MYH15: variants seen among roughly 807,000 people sequenced by gnomAD.
The protein encoded by MYH15 is myosin heavy chain 15.
MYH15 carries 227 observed loss-of-function variants against 240.5 expected under a neutral mutation model. The observed-to-expected ratio is 0.94, with a 90% CI of 0.85 to 1.05. The LOEUF (loss-of-function observed/expected upper bound fraction) is 1.05. MYH15 is among the 50% of genes least tolerant of loss of function. MYH15 has a pLI of 0.00. For missense variants in MYH15, 2,217 were observed against 2,247.5 expected (o/e 0.99, Z 0.27); for synonymous variants, 785 against 796.7 (o/e 0.99, Z 0.25).
chr3:108,447,337 G>C (rs1311757530), intron 21 of MYH15, among the ~76,000 whole-genome samples: 8 of 151,968 alleles, frequency 5.3e-5, no homozygotes, highest in Admixed American at 3.9e-4. Flanking sequence ...TTTAAATCTG[G>C]AGAGGAAAAC....
chr3:108,441,246 C>G lies in MYH15; in HGVS notation c.2670G>C (p.Leu890=). The change falls in exon 23 of 41, where the codon CTG becomes CTC. Residue 890 remains leucine, a synonymous_variant. Coordinates refer to ENST00000693548, the MANE Select transcript of MYH15 (RefSeq NM_014981.3). ...ILQLQAEQET[L]ANVEEQCEWL... ...ACTCGCACTGCTCTTCAACATTTGCCAGTGTCTCTTGCTCCTGCCATGATG... is the reference window on the plus strand; with the variant it reads ...ACTCGCACTGCTCTTCAACATTTGCGAGTGTCTCTTGCTCCTGCCATGATG... The G allele has an allele frequency of 6.2e-7, 1 of 1,614,036 alleles. No homozygotes were observed. Among genetic ancestry groups the G allele is most frequent in the Non-Finnish European group, 8.5e-7 (1 of 1,179,942 alleles).
In MYH15 at chr3:108,476,472, C is replaced by A; in HGVS notation, c.1158G>T (p.Glu386Asp). ...AAFLMGINSS[E>D]LVKCLIHPRI... ...TAGGATGGATCAAGCACTTTACCAA[C>A]TCAGAGGAGTTAATGCCCATGAGGA... The change falls in exon 12 of 41, where the codon GAG becomes GAT. Residue 386 changes from glutamate (E) to aspartate (D), a missense_variant. Glu to Asp is a conservative substitution (Grantham distance 45). Coordinates refer to ENST00000693548, the MANE Select transcript of MYH15 (RefSeq NM_014981.3). 6.2e-7 allele frequency: 1 copy of A among 1,613,394 alleles called. No individual in the cohort carries two copies.
At chr3:108,403,033 C>A (rs917657330) in intron 33 of MYH15, among the ~76,000 whole-genome samples, 5 of 152,138 alleles carry the variant, frequency 3.3e-5, no homozygotes, top group Non-Finnish European at 5.9e-5. Context: ...AAATGGAATA[C>A]CCTATCATCC....
intron 1 of MYH15, among the ~76,000 whole-genome samples, chr3:108,525,714 A>G (rs1468390427): frequency 6.6e-6 from 1 of 152,108 alleles, no homozygotes; most frequent in Non-Finnish European, 1.5e-5. Flanking sequence ...AAAAAATGTA[A>G]TACATTTTAA....
upstream of MYH15, among the ~76,000 whole-genome samples, chr3:108,533,458 T>TA (rs925859601): frequency 1.6e-4 from 24 of 152,350 alleles, no homozygotes; most frequent in African/African-American, 5.8e-4. Flanking sequence ...GCTCACCTGA[T>TA]AATTTTTGAT....
At chr3:108,432,589 A>G (rs2082787581) in intron 25 of MYH15, among the ~76,000 whole-genome samples, 3 of 152,182 alleles carry the variant, frequency 2.0e-5, no homozygotes, top group Admixed American at 2.0e-4. Flanking sequence ...CTAGAGGCCC[A>G]GGAGGAAAAA....
chr3:108,489,628 C>T (rs2083331867), intron 9 of MYH15, among the ~76,000 whole-genome samples: 2 of 152,140 alleles, frequency 1.3e-5, no homozygotes, highest in South Asian at 4.1e-4. Context: ...TCCTTCGCTC[C>T]TTCAGTGGGT....
At chr3:108,536,512 C>T in the MYH15 span, among the ~76,000 whole-genome samples, 3 of 152,132 alleles carry the variant, frequency 2.0e-5, no homozygotes, top group Non-Finnish European at 4.4e-5. Context: ...GTTTATAGTT[C>T]TTTAAGAAAG....
intron 1 of MYH15, among the ~76,000 whole-genome samples, chr3:108,518,144 A>C (rs2083588784): frequency 6.6e-6 from 1 of 152,236 alleles, no homozygotes; most frequent in South Asian, 2.1e-4. Context: ...TAAGTGTTTT[A>C]TACATAATAA....
At chr3:108,383,545 CT>C (rs1222991831) in intron 40 of MYH15, 49 bp downstream of exon 40, 1 of 1,588,192 alleles carries the variant, frequency 6.3e-7, no homozygotes, top group African/African-American at 1.4e-5. Context: ...GACATCAGCC[CT>C]AAACAAACAT....
upstream of MYH15, among the ~76,000 whole-genome samples, chr3:108,530,616 T>C (rs1257000740): frequency 1.3e-5 from 2 of 152,216 alleles, no homozygotes; most frequent in Admixed American, 1.3e-4. Flanking sequence ...TCATCAATTA[T>C]AAGATGTGTA....
At chr3:108,531,776 CTAAATAAA>C (rs71103476), upstream of MYH15, among the ~76,000 whole-genome samples, 28,525 of 148,148 alleles carry the variant, frequency 0.19, 3,376 homozygotes, top group Non-Finnish European at 0.27. Flanking sequence ...GACCCCATCT[CTAAATAAA>C]TAAATAAATA....
upstream of MYH15, among the ~76,000 whole-genome samples, chr3:108,531,019 G>T (rs2083707371): frequency 6.6e-6 from 1 of 152,162 alleles, no homozygotes; most frequent in African/African-American, 2.4e-5. Flanking sequence ...GAGAATTATT[G>T]CTGTAAGTTA....
At position 108,439,766 on chromosome 3, in the gene MYH15, T is replaced by G; in HGVS notation, c.3046A>C (p.Asn1016His). The change falls in exon 24 of 41, where the codon AAT becomes CAT. Residue 1016 changes from asparagine to histidine, a missense_variant. Coordinates refer to ENST00000693548, the MANE Select transcript of MYH15 (RefSeq NM_014981.3). ...EEKLSSLSKA[N>H]LKLEQQVDEL... is the part of the protein sequence containing the mutation. ...TCAACTTGCTGTTCCAGCTTCAGAT[T>G]TGCTTTGCTCAGGCTGCTGAGCTTC... 1 of 1,608,250 alleles carries G rather than the reference T, an allele frequency of 6.2e-7. No homozygotes were observed. Among genetic ancestry groups the G allele is most frequent in the Non-Finnish European group, 8.5e-7 (1 of 1,177,846 alleles).
chr3:108,381,978 C>T (rs2082347137), intron 40 of MYH15, among the ~76,000 whole-genome samples: 1 of 152,296 alleles, frequency 6.6e-6, no homozygotes, highest in Middle Eastern at 3.4e-3. Context: ...CATTGCACTG[C>T]CAAGGAAGGT....
At chr3:108,485,304 T>A in intron 10 of MYH15, 75 bp from the exon 11 acceptor site, 2 of 1,538,222 alleles carry the variant, frequency 1.3e-6, no homozygotes, top group Non-Finnish European at 1.8e-6. Context: ...CCCGCTGTGT[T>A]ACACCTCGGG....
intron 1 of MYH15, among the ~76,000 whole-genome samples, chr3:108,527,787 G>A (rs1474315824): frequency 6.6e-6 from 1 of 152,150 alleles, no homozygotes; most frequent in Non-Finnish European, 1.5e-5. Context: ...AGGTGATGCT[G>A]AGCAATTCTT....
At chr3:108,454,840 C>T (rs562396635) in intron 20 of MYH15, among the ~76,000 whole-genome samples, 3 of 152,308 alleles carry the variant, frequency 2.0e-5, no homozygotes, top group African/African-American at 7.2e-5. Context: ...CTTTCAACCT[C>T]ACTTGCCCAA....
At chr3:108,495,292 TC>T (rs1228721287) in intron 7 of MYH15, among the ~76,000 whole-genome samples, 1 of 152,036 alleles carries the variant, frequency 6.6e-6, no homozygotes, top group African/African-American at 2.4e-5. Context: ...AAATACTTTC[TC>T]CCCAGCCCGC....
Sources: allele counts gnomAD v4.1 joint callset (sites outside exome capture counted in the v4.1 genomes callset), GRCh38; gene constraint gnomAD v4.1.1; transcripts MANE v1.5; gene names NCBI Gene and HGNC (gene_info 2026-07-23, HGNC 2026-07-21).